TRERF1: variants seen among roughly 807,000 people sequenced by gnomAD.
TRERF1 encodes transcriptional regulating factor 1.
TRERF1 carries 27 observed loss-of-function variants against 122.9 expected under a neutral mutation model. The observed-to-expected ratio is 0.22, with a 90% CI of 0.16 to 0.30. The LOEUF (loss-of-function observed/expected upper bound fraction) is 0.30, where lower values mean the gene tolerates loss of function less well. Among genes scored for constraint, TRERF1 ranks in the 10% least tolerant of loss-of-function variants. The probability of loss-of-function intolerance (pLI) is 1.00; values close to 1 mark genes in which losing one functional copy is unlikely to be tolerated. For synonymous variants in TRERF1, 636 were observed against 641.7 expected (o/e 0.99, Z 0.13); for missense variants, 1,248 against 1,560.3 (o/e 0.80, Z 3.37).
chr6:42,287,292 T>TAAAAA (rs1187993828), intron 4 of TRERF1, among the ~76,000 whole-genome samples: 3,595 of 124,232 alleles, frequency 0.029, 42 homozygotes, highest in Non-Finnish European at 0.04. Context: ...TAAAGTATAA[T>TAAAAA]AAAAAAAAAA....
chr6:42,345,412 C>T (rs1768084799), intron 3 of TRERF1, among the ~76,000 whole-genome samples: 1 of 152,178 alleles, frequency 6.6e-6, no homozygotes, highest in South Asian at 2.1e-4. Flanking sequence ...TACCCACCTT[C>T]CCAACAGCAG....
rs1282762621 is a variant in TRERF1 at position 42,405,827 on chromosome 6, T to TA, written c.-453-42749dup. On this transcript the variant is annotated intron_variant, in intron 2 of 17. Transcript: ENST00000372922. ...AAAAAATTAAAAAAATTAAAAAAAA[T>TA]AAAAAAAAAATAGGGAAGGGGCAGA... is the stretch of plus-strand genomic sequence containing the variant. Among the ~76,000 whole-genome samples the TA allele has an allele frequency of 3.2e-3, 441 of 136,214 alleles. 2 individuals are homozygous for TA. The highest frequency in any genetic ancestry group is 9.9e-3 in the African/African-American group (361 of 36,394). 89.4% of individuals were successfully genotyped at this position (136,214 alleles called of 152,430 possible).
intron 4 of TRERF1, among the ~76,000 whole-genome samples, chr6:42,287,365 T>C (rs1783448890): frequency 6.6e-6 from 1 of 151,276 alleles, no homozygotes; most frequent in Non-Finnish European, 1.5e-5. Flanking sequence ...GATTAAATCC[T>C]CAGTTGGCTC....
intron 2 of TRERF1, among the ~76,000 whole-genome samples, chr6:42,407,012 A>G (rs529229153): frequency 6.6e-6 from 1 of 152,330 alleles, no homozygotes; most frequent in South Asian, 2.1e-4. Flanking sequence ...CAACATGAAG[A>G]AACAGGGGCT....
At chr6:42,242,326 TAAAG>T (rs992757181) in intron 15 of TRERF1, among the ~76,000 whole-genome samples, 1 of 151,800 alleles carries the variant, frequency 6.6e-6, no homozygotes, top group African/African-American at 2.4e-5. Flanking sequence ...CACTGTCTGT[TAAAG>T]AAAATAACAC....
Position 42,259,355 on chromosome 6 carries a change from C to T in TRERF1, c.2253G>A (p.Val751=). The T allele has an allele frequency of 6.6e-7, 1 of 1,509,158 alleles. No individual in the cohort carries two copies. The highest frequency in any genetic ancestry group is 8.8e-7 in the Non-Finnish European group (1 of 1,139,792). The allele number at this position is 1,509,158 out of a possible 1,614,324, so 93.5% of individuals were successfully genotyped here. The change falls in exon 9 of 18, where the codon GTG becomes GTA. Residue 751 remains valine, a synonymous_variant. Coordinates refer to ENST00000372922, the Ensembl canonical transcript of TRERF1. This position sits in a 1 kb window ranked among gnomAD's most constrained non-coding sequence, Gnocchi z 4.9. ...GTGACTCACTGGAGCGACACAGCAG[C>T]ACCCGTGGTGTGGGCGTCAGGGGCG...
At chr6:42,388,772 T>C (rs964807040) in intron 2 of TRERF1, among the ~76,000 whole-genome samples, 3 of 152,200 alleles carry the variant, frequency 2.0e-5, no homozygotes, top group Non-Finnish European at 2.9e-5. Context: ...CTCTATGTGT[T>C]CCATTCATTG....
intron 2 of TRERF1, among the ~76,000 whole-genome samples, chr6:42,437,012 G>A (rs1785568982): frequency 6.6e-6 from 1 of 151,936 alleles, no homozygotes; most frequent in South Asian, 2.1e-4. Context: ...TCCAGAGACT[G>A]CAGAGCCCAT....
chr6:42,299,866 T>C (rs578215005), intron 4 of TRERF1, among the ~76,000 whole-genome samples: 17 of 152,310 alleles, frequency 1.1e-4, no homozygotes, highest in African/African-American at 3.8e-4. Context: ...AAGGAGGCTG[T>C]AAATAGCCAC....
At chr6:42,377,068 G>A (rs559485619) in intron 2 of TRERF1, among the ~76,000 whole-genome samples, 26 of 150,986 alleles carry the variant, frequency 1.7e-4, no homozygotes, top group African/African-American at 5.1e-4. Context: ...GTTTCACCAC[G>A]TCAGTCAGGC....
chr6:42,432,929 C>T (rs1406962339), intron 2 of TRERF1, among the ~76,000 whole-genome samples: 3 of 151,240 alleles, frequency 2.0e-5, no homozygotes, highest in East Asian at 1.9e-4. Context: ...ATAAAGGATA[C>T]GAAATTAGAC....
chr6:42,321,805 T>C (rs1236804754), intron 3 of TRERF1, among the ~76,000 whole-genome samples: 2 of 151,886 alleles, frequency 1.3e-5, no homozygotes, highest in Non-Finnish European at 2.9e-5. Context: ...TTTTTAAATG[T>C]TGGCTGTAAG....
rs1315943533 is a variant in TRERF1, at chr6:42,275,987, T to C, written c.-258-6139A>G. ...TTTTACATAATTTTCACATGCCAAA[T>C]TCTGTTCTTCTTTTGATTTTTCTTC... On this transcript the variant is annotated intron_variant, in intron 4 of 17. Transcript: ENST00000372922. The surrounding 1 kb of genome is among the most constrained non-coding windows in gnomAD (Gnocchi z 4.1). Among the ~76,000 whole-genome samples the C allele has an allele frequency of 6.6e-6, 1 of 152,254 alleles. No individual in the cohort carries two copies. The highest frequency in any genetic ancestry group is 1.5e-5 in the Non-Finnish European group (1 of 68,048).
intron 2 of TRERF1, among the ~76,000 whole-genome samples, chr6:42,440,953 T>C (rs778014443): frequency 6.6e-6 from 1 of 152,172 alleles, no homozygotes; most frequent in African/African-American, 2.4e-5. Flanking sequence ...GCTCTGTTAA[T>C]GAGAAAGCCG....
intron 2 of TRERF1, among the ~76,000 whole-genome samples, chr6:42,375,516 C>T (rs889777802): frequency 1.3e-5 from 2 of 152,236 alleles, no homozygotes; most frequent in African/African-American, 2.4e-5. Context: ...CAAACACAGC[C>T]TTGGTTTTGT....
chr6:42,309,759 ATAAACT>A (rs1787911895), intron 3 of TRERF1, among the ~76,000 whole-genome samples: 1 of 152,230 alleles, frequency 6.6e-6, no homozygotes, highest in Non-Finnish European at 1.5e-5. Flanking sequence ...TTAAAATAAA[ATAAACT>A]TAAAAATTTA....
At chr6:42,283,783 A>C (rs2150069114) in intron 4 of TRERF1, among the ~76,000 whole-genome samples, 1 of 151,738 alleles carries the variant, frequency 6.6e-6, no homozygotes, top group South Asian at 2.1e-4. Flanking sequence ...TGCCTGGCTA[A>C]TTTTGTATTT....
intron 2 of TRERF1, among the ~76,000 whole-genome samples, chr6:42,380,518 T>C (rs1469560963): frequency 1.3e-5 from 2 of 152,228 alleles, no homozygotes; most frequent in Admixed American, 6.5e-5. Flanking sequence ...CTCTGTGACA[T>C]GAGGTCAGGC....
At chr6:42,239,479 C>T (rs572371180) in intron 15 of TRERF1, among the ~76,000 whole-genome samples, 3 of 152,176 alleles carry the variant, frequency 2.0e-5, no homozygotes, top group Non-Finnish European at 2.9e-5. Context: ...GTTGACCTCC[C>T]GGCTACTTAG....
Sources: gnomAD v4.1 joint callset for allele counts (sites outside exome capture counted in the v4.1 genomes callset) on GRCh38, gnomAD v4.1.1 for gene constraint, Gnocchi (gnomAD v3.1) non-coding constraint, MANE v1.5 for transcripts, NCBI Gene and HGNC (gene_info 2026-07-23, HGNC 2026-07-21) for gene names.